SMPD4: variants seen among roughly 807,000 people sequenced by gnomAD.
SMPD4 encodes the protein sphingomyelin phosphodiesterase 4.
In SMPD4, 58 loss-of-function variants were observed where a neutral mutation model predicts 97.8. The ratio of observed to expected loss-of-function variants is 0.59; its 90% CI spans 0.48 to 0.74. SMPD4 has a LOEUF of 0.74. Among genes scored for constraint, SMPD4 ranks in the 30% least tolerant of loss-of-function variants. SMPD4 has a pLI of 0.00. For missense variants in SMPD4, 853 were observed against 1,080.5 expected (o/e 0.79, Z 2.95); for synonymous variants, 388 against 450.0 (o/e 0.86, Z 1.74).
At chr2:130,177,364 G>A (rs1371932819) in intron 1 of SMPD4, among the ~76,000 whole-genome samples, 1 of 152,114 alleles carries the variant, frequency 6.6e-6, no homozygotes, top group Non-Finnish European at 1.5e-5. Context: ...TTACAGGTGT[G>A]AGCCAACACG....
intron 18 of SMPD4, 36 bp downstream of exon 18, chr2:130,153,283 C>G: frequency 6.2e-7 from 1 of 1,613,328 alleles, no homozygotes. Context: ...CGGGTCAGGG[C>G]CCAGCCTGTG....
At chr2:130,166,953 G>A (rs1687988695) in intron 9 of SMPD4, among the ~76,000 whole-genome samples, 2 of 152,238 alleles carry the variant, frequency 1.3e-5, no homozygotes, top group African/African-American at 4.8e-5. Flanking sequence ...ATCCTGGGAT[G>A]AAAAACGCCA....
At position 130,174,913 on chromosome 2, in the gene SMPD4, C is replaced by A. The variant is rs1298319447; in HGVS notation, c.126+1G>T. 6.3e-7 allele frequency: 1 copy of A among 1,590,028 alleles called. No homozygotes were observed. The highest frequency in any genetic ancestry group is 2.2e-5 in the East Asian group (1 of 44,478). On this transcript the variant is annotated splice_donor_variant, in intron 3 of 19. Transcript: ENST00000680298. LOFTEE classifies it high-confidence loss of function. ...AAAGAGAGACGTTAGCAGAGCTATA[C>A]CTTTGCTGGAAAGTCCTCAATGACT...
chr2:130,179,372 C>T (rs573093323), intron 1 of SMPD4, among the ~76,000 whole-genome samples: 15 of 152,206 alleles, frequency 9.9e-5, no homozygotes, highest in African/African-American at 2.4e-4. Context: ...CCGCCTGCCT[C>T]GGCCTCCCAA....
Position 130,160,175 on chromosome 2 carries a change from T to A in SMPD4, c.951+1011A>T, listed in dbSNP as rs150839460. On this transcript the variant is annotated intron_variant, in intron 11 of 19. Transcript: ENST00000680298. ...GGTCTCGCTGGTCACCCTCCCACCA[T>A]GGGGTTTGCCAGATGCTTTCTGGAC... 3.0e-3 allele frequency among the ~76,000 whole-genome samples: 454 copies of A among 152,232 alleles called. 4 individuals carry two copies. The highest frequency in any genetic ancestry group is 0.011 in the African/African-American group (441 of 41,548).
chr2:130,153,682 G>A lies in SMPD4; in HGVS notation c.1893+20C>T. On this transcript the variant is annotated intron_variant, in intron 17 of 19. Transcript: ENST00000680298. ...GGAAGGGGACCCTGATGGCGGTGGGGCAGGCCCCATAGCTCGTACCCGGAA... is the reference window on the plus strand; with the variant it reads ...GGAAGGGGACCCTGATGGCGGTGGGACAGGCCCCATAGCTCGTACCCGGAA... 3.7e-6 allele frequency: 6 copies of A among 1,611,508 alleles called. No homozygotes were observed. Among genetic ancestry groups the A allele is most frequent in the Non-Finnish European group, 5.1e-6 (6 of 1,178,430 alleles).
At chr2:130,161,297 C>G (rs368928187) in intron 10 of SMPD4, 25 bp from the exon 11 acceptor site, 11 of 1,606,838 alleles carry the variant, frequency 6.8e-6, no homozygotes, top group Non-Finnish European at 9.4e-6. Context: ...AGAGAGATGC[C>G]GGAAGAGGCC....
At chr2:130,163,831 C>G (rs189214785) in intron 10 of SMPD4, among the ~76,000 whole-genome samples, 1 of 152,210 alleles carries the variant, frequency 6.6e-6, no homozygotes, top group African/African-American at 2.4e-5. Flanking sequence ...AGAGCAGGGA[C>G]AGGCGAGGCG....
Position 130,167,522 on chromosome 2 carries a change from T to C in SMPD4, c.728A>G (p.His243Arg), listed in dbSNP as rs1243734426. 6.2e-7 allele frequency: 1 copy of C among 1,613,294 alleles called. No homozygotes were observed. Among genetic ancestry groups the C allele is most frequent in the Non-Finnish European group, 8.5e-7 (1 of 1,179,356 alleles). The change falls in exon 9 of 20, where the codon CAT becomes CGT. Residue 243 changes from histidine (H) to arginine (R), a missense_variant. By Grantham distance (29) the His-to-Arg change is conservative. Around this residue, in one of 3 missense-constraint regions of SMPD4, gnomAD observed 313 missense variants for 402.2 expected, o/e 0.78. Transcript: ENST00000680298. ...HTSLLKRHIS[H>R]QTSVNADPAS... The stretch of plus-strand genomic sequence containing the variant: ...GGGGTCTGCATTCACAGACGTCTGA[T>C]GAGAGATGTGTCGCTTTAGGAGGCT...
chr2:130,172,873 T>C lies in SMPD4; in HGVS notation c.368A>G (p.Gln123Arg). 1 of 1,613,222 alleles carries C rather than the reference T, an allele frequency of 6.2e-7. No homozygotes were observed. Among genetic ancestry groups the C allele is most frequent in the Non-Finnish European group, 8.5e-7 (1 of 1,179,548 alleles). Residue 123 changes from glutamine to arginine, a missense_variant, in exon 6 of 20, where the codon CAG becomes CGG. Coordinates refer to ENST00000680298, the MANE Select transcript of SMPD4 (RefSeq NM_017951.5). ...AGGACTGTCAGGGAGGATGCACTCC[T>C]GGATGGACGCCTTCACAGGACCCTG... is the stretch of plus-strand genomic sequence containing the variant. Reference protein sequence around the residue: ...YLPGPVKASIQECILPDSPLY... With the variant: ...YLPGPVKASIRECILPDSPLY...
At chr2:130,168,067 C>G (rs977661096) in intron 8 of SMPD4, among the ~76,000 whole-genome samples, 2 of 152,128 alleles carry the variant, frequency 1.3e-5, no homozygotes, top group African/African-American at 4.8e-5. Context: ...ACAGCTGGGC[C>G]TGGTGGCATG....
At chr2:130,165,005 G>T (rs181559043) in intron 9 of SMPD4, among the ~76,000 whole-genome samples, 2 of 151,252 alleles carry the variant, frequency 1.3e-5, no homozygotes, top group Admixed American at 1.3e-4. Flanking sequence ...AGCGACTTGG[G>T]AGTCTGAGGT....
rs369281316 is a variant in SMPD4 at position 130,156,103 on chromosome 2, C to T, written c.1221G>A (p.Pro407=). The stretch of plus-strand genomic sequence containing the variant: ...CCTGCTTGTCAGGCGCGTACCGCCA[C>T]GGCTGCAGGTAGCTCAGCCACATCT... ...VLEMWLSYLQ[P]WRYAPDKQAP... is the part of the protein sequence containing the mutation. The change falls in exon 14 of 20, where the codon CCG becomes CCA. Residue 407 remains proline (P), a synonymous_variant. Transcript: ENST00000680298. The T allele has an allele frequency of 4.2e-5, 68 of 1,611,108 alleles. No individual in the cohort carries two copies. The highest frequency in any genetic ancestry group is 3.5e-4 in the Admixed American group (21 of 60,000).
intron 8 of SMPD4, among the ~76,000 whole-genome samples, chr2:130,169,885 C>T (rs1688278889): frequency 6.6e-6 from 1 of 152,140 alleles, no homozygotes; most frequent in African/African-American, 2.4e-5. Flanking sequence ...GGAAACTTAT[C>T]TGTAAATCTG....
At position 130,177,375 on chromosome 2, in the gene SMPD4, C is replaced by A. The variant is rs1249441969; in HGVS notation, c.-45-738G>T. Among the ~76,000 whole-genome samples, 7 of 152,142 alleles carry A rather than the reference C, an allele frequency of 4.6e-5. No homozygotes were observed. The East Asian group carries it at 1.2e-3, about 25-fold the overall frequency. ...GGGATTACAGGTGTGAGCCAACACGCCTGGCCAGCAATTCCCATCTTTTAT... is the reference window on the plus strand; with the variant it reads ...GGGATTACAGGTGTGAGCCAACACGACTGGCCAGCAATTCCCATCTTTTAT... On this transcript the variant is annotated intron_variant, in intron 1 of 19. Coordinates refer to ENST00000680298, the MANE Select transcript of SMPD4 (RefSeq NM_017951.5).
rs759387305 is a variant in SMPD4 at position 130,153,179 on chromosome 2, G to C, written c.2026-8C>G. ...TCGCAGCCCATTGATGATCTAGAAA[G>C]CCAGGCCATGGGGATGGGTCAGAAA... On this transcript the variant is annotated splice_region_variant and splice_polypyrimidine_tract_variant and intron_variant, in intron 18 of 19. Coordinates refer to ENST00000680298, the MANE Select transcript of SMPD4 (RefSeq NM_017951.5). The C allele has an allele frequency of 2.5e-6, 4 of 1,613,624 alleles. No individual in the cohort carries two copies.
chr2:130,179,956 T>A (rs1392933485), intron 1 of SMPD4, among the ~76,000 whole-genome samples: 3 of 143,584 alleles, frequency 2.1e-5, no homozygotes, highest in Non-Finnish European at 4.6e-5. Flanking sequence ...CCCGGCCGCT[T>A]TTTCTTTTTT....
chr2:130,172,942 T>C, intron 5 of SMPD4, 47 bp from the exon 6 acceptor site: 1 of 1,571,964 alleles, frequency 6.4e-7, no homozygotes, highest in South Asian at 1.2e-5. Context: ...TGGTGCGTAG[T>C]GCCCGATACG....
rs1686326410 is a variant in SMPD4, at chr2:130,152,527, C to T, written c.*28G>A. On this transcript the variant is annotated 3_prime_UTR_variant, in exon 20 of 20. Coordinates refer to ENST00000680298, the MANE Select transcript of SMPD4 (RefSeq NM_017951.5). ...GGTGGGGCTGTGTGGCAAATCCCTC[C>T]AGCCTGCTCTGAAGGCAGCTGACAC... is the stretch of plus-strand genomic sequence containing the variant. 1 of 1,529,752 alleles carries T rather than the reference C, an allele frequency of 6.5e-7. No individual in the cohort carries two copies. Among genetic ancestry groups the T allele is most frequent in the Non-Finnish European group, 8.8e-7 (1 of 1,133,252 alleles). The allele number at this position is 1,529,752 out of a possible 1,614,324, so 94.8% of individuals were successfully genotyped here.
Sources: allele counts gnomAD v4.1 joint callset (sites outside exome capture counted in the v4.1 genomes callset), GRCh38; gene constraint gnomAD v4.1.1; regional missense constraint gnomAD v4.1.1; transcripts MANE v1.5; gene names NCBI Gene and HGNC (gene_info 2026-07-23, HGNC 2026-07-21).